Variants in GABBR2 observed in about 807,000 individuals in gnomAD.
GABBR2 encodes G-protein coupled receptor 51.
Under a neutral mutation model 105.6 loss-of-function variants are expected in GABBR2, and 23 were observed. The ratio of observed to expected loss-of-function variants is 0.22; its 90% CI spans 0.16 to 0.31. GABBR2 has a LOEUF of 0.31. Among genes scored for constraint, GABBR2 ranks in the 10% least tolerant of loss-of-function variants. The pLI is 1.00. For missense variants in GABBR2, 734 were observed against 1,245.5 expected, an observed-to-expected ratio of 0.59 and a Z score of 6.18; for synonymous variants, 478 against 499.7, an observed-to-expected ratio of 0.96 and a Z score of 0.58.
At chr9:98,696,146 G>C (rs1383486283) in intron 1 of GABBR2, among the ~76,000 whole-genome samples, 1 of 152,234 alleles carries the variant, frequency 6.6e-6, no homozygotes, top group Non-Finnish European at 1.5e-5. Context: ...AAACGTGATA[G>C]TGGATTTTGC....
At chr9:98,453,663 C>T (rs191251048) in intron 7 of GABBR2, among the ~76,000 whole-genome samples, 3 of 152,228 alleles carry the variant, frequency 2.0e-5, no homozygotes, top group African/African-American at 7.2e-5. Context: ...AGCCACTGCT[C>T]TAAAATGTAA....
At chr9:98,580,680 C>T (rs1588237474) in intron 1 of GABBR2, among the ~76,000 whole-genome samples, 1 of 152,126 alleles carries the variant, frequency 6.6e-6, no homozygotes, top group Non-Finnish European at 1.5e-5. Context: ...CCCGGCTACT[C>T]AGAAGGCTGA....
chr9:98,388,557 G>A lies in GABBR2; in HGVS notation c.1529+297C>T, dbSNP rs1047939783. On this transcript the variant is annotated intron_variant, in intron 10 of 18. Coordinates refer to ENST00000259455, the MANE Select transcript of GABBR2 (RefSeq NM_005458.8). This position sits in a 1 kb window ranked among gnomAD's most constrained non-coding sequence, Gnocchi z 4.4. ...GAAGGCCCGTGGACTTGGACTCTTC[G>A]ATTTTATTTAACTTCCTCAAACTTA... Among the ~76,000 whole-genome samples, 2 of 151,522 alleles carry A rather than the reference G, an allele frequency of 1.3e-5. No individual in the cohort carries two copies. The highest frequency in any genetic ancestry group is 2.9e-5 in the Non-Finnish European group (2 of 67,964).
intron 7 of GABBR2, among the ~76,000 whole-genome samples, chr9:98,408,440 C>A (rs1460559693): frequency 2.0e-5 from 3 of 152,194 alleles, no homozygotes; most frequent in Non-Finnish European, 4.4e-5. Context: ...ACTGGTGAAG[C>A]CATCCCTGCT....
At chr9:98,622,420 C>T (rs528827814) in intron 1 of GABBR2, among the ~76,000 whole-genome samples, 1 of 152,264 alleles carries the variant, frequency 6.6e-6, no homozygotes, top group Non-Finnish European at 1.5e-5. Context: ...CCTGTCTCGA[C>T]CTCCCAAAGT....
chr9:98,537,781 C>T (rs546314881), intron 3 of GABBR2, among the ~76,000 whole-genome samples: 7 of 152,106 alleles, frequency 4.6e-5, no homozygotes, highest in South Asian at 4.2e-4. Flanking sequence ...ACATTAACAA[C>T]GGATGAACTG....
intron 2 of GABBR2, among the ~76,000 whole-genome samples, chr9:98,572,048 CT>C (rs1230469072): frequency 6.6e-6 from 1 of 152,224 alleles, no homozygotes; most frequent in East Asian, 1.9e-4. Flanking sequence ...GGGTCATGCC[CT>C]AGTGGGTTCC....
intron 9 of GABBR2, among the ~76,000 whole-genome samples, chr9:98,393,157 CCCAT>C (rs148679963): frequency 0.82 from 94,692 of 115,048 alleles, 38,587 homozygotes; most frequent in South Asian, 0.9. Context: ...CATCCACCAA[CCCAT>C]CCATCCATCC....
intron 2 of GABBR2, among the ~76,000 whole-genome samples, chr9:98,574,790 A>G (rs1457088782): frequency 6.6e-6 from 1 of 152,158 alleles, no homozygotes; most frequent in African/African-American, 2.4e-5. Flanking sequence ...TTGTTCCTGC[A>G]GCTCCTCAGG....
chr9:98,311,254 C>G, intron 13 of GABBR2, 49 bp from the exon 14 acceptor site: 1 of 1,164,672 alleles, frequency 8.6e-7, no homozygotes. Flanking sequence ...GACACTCTTC[C>G]AGCAACTGGG....
intron 4 of GABBR2, among the ~76,000 whole-genome samples, chr9:98,488,852 G>T (rs918730586): frequency 1.3e-5 from 2 of 152,204 alleles, no homozygotes; most frequent in Non-Finnish European, 2.9e-5. Flanking sequence ...TAGCTAGACT[G>T]CTGAGCTAGA....
intron 1 of GABBR2, among the ~76,000 whole-genome samples, chr9:98,583,686 G>A (rs1441000104): frequency 6.6e-6 from 1 of 152,204 alleles, no homozygotes; most frequent in Non-Finnish European, 1.5e-5. Flanking sequence ...TGTACCTGAT[G>A]ATCAAGTCAC....
intron 7 of GABBR2, among the ~76,000 whole-genome samples, chr9:98,408,828 T>C (rs1832534256): frequency 6.6e-6 from 1 of 152,180 alleles, no homozygotes; most frequent in African/African-American, 2.4e-5. Flanking sequence ...CGCTCTGTTA[T>C]CCAGCCTGGA....
rs1300401129 is a variant in GABBR2 at position 98,291,787 on chromosome 9, A to C, written c.2661-1038T>G. Among the ~76,000 whole-genome samples, 27 of 152,208 alleles carry C rather than the reference A, an allele frequency of 1.8e-4. 1 individual carries two copies. Among genetic ancestry groups the C allele is most frequent in the Admixed American group, 1.7e-3 (26 of 15,280 alleles). ...GAAGACTCTTTCTCTGCTTCCTGAC[A>C]TGATGAACTGTGTCTCCTTCAAGAT... On this transcript the variant is annotated intron_variant, in intron 18 of 18. Coordinates refer to ENST00000259455, the MANE Select transcript of GABBR2 (RefSeq NM_005458.8).
intron 6 of GABBR2, among the ~76,000 whole-genome samples, chr9:98,457,829 T>G (rs1049558111): frequency 5.3e-5 from 8 of 152,190 alleles, no homozygotes; most frequent in Non-Finnish European, 1.2e-4. Context: ...GCACTCACAA[T>G]TGTTGGAGAA....
chr9:98,703,016 C>CT (rs1830850514), intron 1 of GABBR2, among the ~76,000 whole-genome samples: 1 of 152,212 alleles, frequency 6.6e-6, no homozygotes, highest in Non-Finnish European at 1.5e-5. Flanking sequence ...TAGGCCTGTC[C>CT]CATCAGGGTC....
intron 1 of GABBR2, among the ~76,000 whole-genome samples, chr9:98,609,405 G>A (rs1829474440): frequency 6.6e-6 from 1 of 152,110 alleles, no homozygotes; most frequent in Non-Finnish European, 1.5e-5. Flanking sequence ...CTCGCACCTC[G>A]AATGCCCTTA....
At chr9:98,498,303 T>C (rs1827325649) in intron 3 of GABBR2, among the ~76,000 whole-genome samples, 1 of 152,224 alleles carries the variant, frequency 6.6e-6, no homozygotes, top group South Asian at 2.1e-4. Context: ...GTTCTGCAGA[T>C]GCAGTAGTGA....
chr9:98,473,422 G>A lies in GABBR2; in HGVS notation c.799-76C>T, dbSNP rs1826725366. The A allele has an allele frequency of 4.4e-6, 4 of 913,076 alleles. No homozygotes were observed. The Admixed American group carries it at 8.0e-5, about 18-fold the overall frequency. 56.6% of individuals were successfully genotyped at this position (913,076 alleles called of 1,614,324 possible). A position where few individuals can be genotyped will look rare whatever the true frequency, so the allele number is the denominator to read the frequency against. ...GCTCTGTGCCCTGGAAGACAGGTGG[G>A]GAGGAAGGCTTCCTCTTCCCAGAGG... On this transcript the variant is annotated intron_variant, in intron 5 of 18. Coordinates refer to ENST00000259455, the MANE Select transcript of GABBR2 (RefSeq NM_005458.8).
Sources: gnomAD v4.1 joint callset for allele counts (sites outside exome capture counted in the v4.1 genomes callset) on GRCh38, gnomAD v4.1.1 for gene constraint, Gnocchi (gnomAD v3.1) non-coding constraint, MANE v1.5 for transcripts, NCBI Gene and HGNC (gene_info 2026-07-23, HGNC 2026-07-21) for gene names.